ZNF541: variants seen among roughly 807,000 people sequenced by gnomAD.
ZNF541 encodes the protein zinc finger protein 541.
Under a neutral mutation model 123.5 loss-of-function variants are expected in ZNF541, and 23 were observed. The ratio of observed to expected loss-of-function variants is 0.19; its 90% CI spans 0.13 to 0.26. The LOEUF (loss-of-function observed/expected upper bound fraction) is 0.26. Among genes scored for constraint, ZNF541 ranks in the 10% least tolerant of loss-of-function variants. The probability of loss-of-function intolerance (pLI) is 1.00; values close to 1 mark genes in which losing one functional copy is unlikely to be tolerated. For synonymous variants in ZNF541, 751 were observed against 754.5 expected (o/e 1.00, Z 0.08); for missense variants, 1,612 against 1,789.9 (o/e 0.90, Z 1.79).
chr19:47,559,201 T>C (rs1033674135), intron 2 of ZNF541, among the ~76,000 whole-genome samples: 5 of 151,098 alleles, frequency 3.3e-5, no homozygotes, highest in African/African-American at 4.9e-5. Context: ...TGAAACCCCA[T>C]CTCTACTAAA....
intron 14 of ZNF541, 28 bp downstream of exon 14, chr19:47,528,922 C>T (rs564564300): frequency 3.9e-6 from 6 of 1,537,220 alleles, no homozygotes; most frequent in Non-Finnish European, 5.3e-6. Flanking sequence ...GAGGCAGGGC[C>T]TTGGACACCA....
intron 1 of ZNF541, among the ~76,000 whole-genome samples, chr19:47,572,719 G>A (rs918512091): frequency 6.6e-6 from 1 of 151,722 alleles, no homozygotes; most frequent in Non-Finnish European, 1.5e-5. Context: ...GGTCGGGTAG[G>A]GCCCGCGGCG....
At chr19:47,557,378 C>T (rs772450804) in intron 2 of ZNF541, among the ~76,000 whole-genome samples, 37 of 151,948 alleles carry the variant, frequency 2.4e-4, no homozygotes, top group Non-Finnish European at 5.0e-4. Context: ...AAAAAAATAG[C>T]CAGTGAGAGA....
At chr19:47,564,448 T>C (rs1480539902) in intron 2 of ZNF541, among the ~76,000 whole-genome samples, 2 of 152,174 alleles carry the variant, frequency 1.3e-5, no homozygotes, top group African/African-American at 4.8e-5. Context: ...TACAAAACTC[T>C]CTGCTAGCCC....
In ZNF541 at chr19:47,521,599, G is replaced by A. The variant is rs373537894; in HGVS notation, c.3767C>T (p.Thr1256Ile). 27 of 1,551,732 alleles carry A rather than the reference G, an allele frequency of 1.7e-5. No individual in the cohort carries two copies. The East Asian group carries it at 2.7e-4, about 15-fold the overall frequency. The change falls in exon 16 of 17, where the codon ACC becomes ATC. Residue 1256 changes from threonine (T) to isoleucine (I), a missense_variant. By Grantham distance (89) the Thr-to-Ile change is moderately conservative. This residue lies in a region of ZNF541 where 285 missense variants were observed against 407.3 expected (regional missense o/e 0.70). Coordinates refer to ENST00000391901, the MANE Select transcript of ZNF541 (RefSeq NM_001277075.3). This position sits in a 1 kb window ranked among gnomAD's most constrained non-coding sequence, Gnocchi z 4.2. ...GATGGACTCCCTCCTATAACTCTTG[G>A]TCTTTAACTTGGGAGTTGGATGGTG... ...PSHHPTPKLKTKSYRRESILS... is the reference protein window; with the variant it reads ...PSHHPTPKLKIKSYRRESILS...
chr19:47,535,579 C>T (rs921763167), intron 9 of ZNF541, among the ~76,000 whole-genome samples: 4 of 152,160 alleles, frequency 2.6e-5, no homozygotes, highest in Admixed American at 1.3e-4. Context: ...CCATATGACC[C>T]AGCACTACAC....
intron 2 of ZNF541, among the ~76,000 whole-genome samples, chr19:47,556,761 T>TG (rs1357635607): frequency 2.1e-5 from 2 of 96,258 alleles, no homozygotes; most frequent in Non-Finnish European, 3.7e-5. Flanking sequence ...TTTCTTTTCC[T>TG]TTTTTTTTTT....
rs945276718 is a variant in ZNF541 at position 47,529,537 on chromosome 19, T to C, written c.3481+40A>G. Reference sequence around the variant, plus strand: ...CAGAGCTGGCCGATTCATAGGGGTCTCAGCTGGGCCAAACCAGCTCAGCAG... The same window carrying C: ...CAGAGCTGGCCGATTCATAGGGGTCCCAGCTGGGCCAAACCAGCTCAGCAG... On this transcript the variant is annotated intron_variant, in intron 13 of 16. Transcript: ENST00000391901. 16 of 1,548,524 alleles carry C rather than the reference T, an allele frequency of 1.0e-5. No homozygotes were observed. The Admixed American group carries it at 2.8e-4, about 27-fold the overall frequency.
At chr19:47,522,068 C>T in intron 14 of ZNF541, 74 bp from the exon 15 acceptor site, 1 of 1,529,556 alleles carries the variant, frequency 6.5e-7, no homozygotes, top group Non-Finnish European at 8.8e-7. Context: ...ATTGGGCCGG[C>T]CGCCTCCTTT....
intron 2 of ZNF541, among the ~76,000 whole-genome samples, 185 bp from the exon 3 acceptor site, chr19:47,556,139 A>G (rs1970813208): frequency 6.6e-6 from 1 of 152,236 alleles, no homozygotes; most frequent in African/African-American, 2.4e-5. Flanking sequence ...AACTGGGCAT[A>G]AGAGTACTTC....
At chr19:47,555,426 G>T (rs1970777906) in intron 3 of ZNF541, 124 bp downstream of exon 3, 7 of 789,088 alleles carry the variant, frequency 8.9e-6, no homozygotes, top group Non-Finnish European at 1.3e-5. Context: ...AAAGGTGACT[G>T]TTCCCTAAGT....
intron 4 of ZNF541, among the ~76,000 whole-genome samples, chr19:47,546,429 T>C (rs1970362079): frequency 6.6e-6 from 1 of 151,838 alleles, no homozygotes; most frequent in South Asian, 2.1e-4. Context: ...GAATCACTTG[T>C]ACCCAGGAGA....
At chr19:47,562,799 G>A (rs1011396011) in intron 2 of ZNF541, among the ~76,000 whole-genome samples, 2 of 152,094 alleles carry the variant, frequency 1.3e-5, no homozygotes, top group African/African-American at 2.4e-5. Context: ...ATTGCAGCAC[G>A]TGTCACTGCT....
intron 9 of ZNF541, 113 bp downstream of exon 9, chr19:47,538,029 A>T: frequency 1.6e-6 from 2 of 1,235,276 alleles, no homozygotes; most frequent in Non-Finnish European, 2.3e-6. Context: ...CCCTCAGACT[A>T]GGTACACCCA....
rs142465361 is a variant in ZNF541 at position 47,568,541 on chromosome 19, G to C, written c.-99+3355C>G. On this transcript the variant is annotated intron_variant, in intron 2 of 16. Transcript: ENST00000391901. ...GTATTTTTAATAGAGACAGGGTTTT[G>C]CCATGTTGGCCAGGCTGGCCTCGAC... is the stretch of plus-strand genomic sequence containing the variant. Among the ~76,000 whole-genome samples the C allele has an allele frequency of 6.9e-3, 1,050 of 152,040 alleles. 7 individuals are homozygous for C. Among genetic ancestry groups the C allele is most frequent in the African/African-American group, 0.024 (1,001 of 41,510 alleles).
chr19:47,560,881 G>A (rs1311738419), intron 2 of ZNF541, among the ~76,000 whole-genome samples: 1 of 151,946 alleles, frequency 6.6e-6, no homozygotes, highest in African/African-American at 2.4e-5. Flanking sequence ...TGTTCTTCAG[G>A]AATAAAAAGC....
intron 2 of ZNF541, among the ~76,000 whole-genome samples, chr19:47,566,758 TAAATA>T (rs1318957085): frequency 1.4e-5 from 2 of 142,848 alleles, no homozygotes; most frequent in African/African-American, 5.3e-5. Flanking sequence ...AATAAATAAA[TAAATA>T]AAATAAGGCC....
chr19:47,551,725 G>C (rs2123240697), intron 3 of ZNF541, among the ~76,000 whole-genome samples: 1 of 151,920 alleles, frequency 6.6e-6, no homozygotes, highest in South Asian at 2.1e-4. Context: ...GTAGAGATGG[G>C]GTCTCACTAT....
In ZNF541 at chr19:47,529,663, AG is replaced by A; in HGVS notation, c.3406-12del. On this transcript the variant is annotated splice_polypyrimidine_tract_variant and intron_variant, in intron 12 of 16. Coordinates refer to ENST00000391901, the MANE Select transcript of ZNF541 (RefSeq NM_001277075.3). ...AGTCTCCAGGGCGACCTGGAACAAGAGGAGCGACAGGCTGCCCAGGACCAGG... is the reference window on the plus strand; with the variant it reads ...AGTCTCCAGGGCGACCTGGAACAAGAGAGCGACAGGCTGCCCAGGACCAGG... 6.4e-7 allele frequency: 1 copy of A among 1,551,454 alleles called. No individual in the cohort carries two copies. Among genetic ancestry groups the A allele is most frequent in the South Asian group, 1.2e-5 (1 of 84,052 alleles).
Sources: gnomAD v4.1 joint callset for allele counts (sites outside exome capture counted in the v4.1 genomes callset) on GRCh38, gnomAD v4.1.1 for gene constraint, gnomAD v4.1.1 regional missense constraint, Gnocchi (gnomAD v3.1) non-coding constraint, MANE v1.5 for transcripts, NCBI Gene and HGNC (gene_info 2026-07-23, HGNC 2026-07-21) for gene names.